The following SLC2A9 variants were observed in gnomAD, a reference collection of about 807,000 sequenced individuals.
The protein encoded by SLC2A9 is solute carrier family 2 member 9, also known as solute carrier family 2, facilitated glucose transporter member 9.
A neutral mutation model predicts 50.6 loss-of-function variants in SLC2A9; 39 were observed. That is an observed-to-expected ratio of 0.77 (90% confidence interval 0.60 to 1.01). The LOEUF is 1.01. SLC2A9 is among the 50% of genes least tolerant of loss of function. The pLI is 0.00. For synonymous variants in SLC2A9, 324 were observed against 276.9 expected (o/e 1.17, Z -1.69); for missense variants, 686 against 677.6 (o/e 1.01, Z -0.14).
intron 3 of SLC2A9, among the ~76,000 whole-genome samples, chr4:9,989,810 C>T (rs1175010501): frequency 6.6e-6 from 1 of 152,022 alleles, no homozygotes; most frequent in African/African-American, 2.4e-5. Context: ...CTACACTGAC[C>T]TCCACTCTCA....
At chr4:9,776,281 TAGA>T (rs1182768450), downstream of SLC2A9, among the ~76,000 whole-genome samples, 3 of 151,854 alleles carry the variant, frequency 2.0e-5, no homozygotes, top group South Asian at 2.1e-4. Flanking sequence ...GAGAGTGGCT[TAGA>T]AGAAGATTGT....
intron 2 of SLC2A9, among the ~76,000 whole-genome samples, chr4:10,018,561 T>C (rs111998247): frequency 0.16 from 7,640 of 48,540 alleles, 496 homozygotes; most frequent in African/African-American, 0.33. Flanking sequence ...GATAGATAGA[T>C]AGATAGATAG....
At chr4:9,998,336 C>A (rs932225750) in intron 2 of SLC2A9, among the ~76,000 whole-genome samples, 1 of 152,042 alleles carries the variant, frequency 6.6e-6, no homozygotes, top group African/African-American at 2.4e-5. Flanking sequence ...AATCCCAGCA[C>A]AACTTGGTAA....
At chr4:9,782,741 G>A (rs2227852) in intron 3 of SLC2A9, 2 of 1,614,004 alleles carry the variant, frequency 1.2e-6, no homozygotes, top group Non-Finnish European at 1.7e-6. Context: ...CTACATCCCC[G>A]TTGCCATCAT....
intron 10 of SLC2A9, among the ~76,000 whole-genome samples, chr4:9,874,931 G>A (rs1734053693): frequency 6.8e-6 from 1 of 146,436 alleles, no homozygotes; most frequent in South Asian, 2.2e-4. Flanking sequence ...CTTTAGAAAT[G>A]GCCATAGGTT....
At chr4:9,845,094 A>G (rs1728738424) in intron 10 of SLC2A9, among the ~76,000 whole-genome samples, 1 of 151,876 alleles carries the variant, frequency 6.6e-6, no homozygotes, top group Admixed American at 6.6e-5. Context: ...GCTCACTGCA[A>G]GCTCCACCTC....
intron 3 of SLC2A9, among the ~76,000 whole-genome samples, chr4:9,988,845 C>T (rs1321194238): frequency 6.6e-6 from 1 of 152,204 alleles, no homozygotes; most frequent in Non-Finnish European, 1.5e-5. Context: ...AGACATTTCG[C>T]CTGGACAAGA....
At chr4:9,897,305 C>A (rs1738732857) in intron 8 of SLC2A9, among the ~76,000 whole-genome samples, 1 of 152,208 alleles carries the variant, frequency 6.6e-6, no homozygotes, top group Non-Finnish European at 1.5e-5. Context: ...TCCAACAGCA[C>A]TGGCACTGGG....
At chr4:9,938,428 C>T (rs998547143) in intron 6 of SLC2A9, among the ~76,000 whole-genome samples, 7 of 152,006 alleles carry the variant, frequency 4.6e-5, no homozygotes, top group African/African-American at 1.4e-4. Context: ...CCTGCCAACA[C>T]GCCCGGCTAA....
chr4:9,772,661 A>C (rs536846745), intron 1 of SLC2A9, among the ~76,000 whole-genome samples: 2 of 152,162 alleles, frequency 1.3e-5, no homozygotes, highest in South Asian at 4.2e-4. Context: ...AGAAATAAAC[A>C]CTTGTTTTAA....
intron 2 of SLC2A9, among the ~76,000 whole-genome samples, chr4:10,017,638 G>C (rs1560496520): frequency 2.0e-5 from 3 of 152,222 alleles, no homozygotes; most frequent in Admixed American, 1.3e-4. Context: ...ACTGACCCAG[G>C]CTTCCCCTAT....
At chr4:9,786,012 G>C (rs1488909022) in intron 3 of SLC2A9, among the ~76,000 whole-genome samples, 1 of 152,198 alleles carries the variant, frequency 6.6e-6, no homozygotes, top group Non-Finnish European at 1.5e-5. Flanking sequence ...GGGAAGGAGA[G>C]TAATTCAGGC....
intron 9 of SLC2A9, among the ~76,000 whole-genome samples, chr4:9,889,801 T>C (rs1003387439): frequency 1.3e-5 from 2 of 152,224 alleles, no homozygotes; most frequent in African/African-American, 4.8e-5. Context: ...TTGGAGGTAC[T>C]GAGGCAGTGT....
downstream of SLC2A9, among the ~76,000 whole-genome samples, chr4:9,778,053 T>TTCC (rs1717807321): frequency 6.9e-3 from 97 of 14,050 alleles, 1 homozygote; most frequent in African/African-American, 0.019. Flanking sequence ...TCTTTCTTTC[T>TTCC]TTCCTTCCTT....
chr4:9,869,885 G>A (rs1166727842), intron 10 of SLC2A9, among the ~76,000 whole-genome samples: 1 of 152,204 alleles, frequency 6.6e-6, no homozygotes, highest in East Asian at 1.9e-4. Flanking sequence ...TCCTCATCCT[G>A]GAGTGTGCAA....
chr4:10,029,409 T>C (rs945218998), intron 1 of SLC2A9: 3 of 152,194 alleles, frequency 2.0e-5, no homozygotes, highest in African/African-American at 7.2e-5. Flanking sequence ...ATGGGATGCT[T>C]TAGGTAGCCT....
chr4:9,865,005 C>A (rs189885655), intron 10 of SLC2A9, among the ~76,000 whole-genome samples: 66 of 152,324 alleles, frequency 4.3e-4, no homozygotes, highest in African/African-American at 1.6e-3. Flanking sequence ...ACTTGAGTAC[C>A]CCACTTTTTG....
At chr4:9,772,901 C>A (rs900183625) in intron 1 of SLC2A9, among the ~76,000 whole-genome samples, 1 of 151,664 alleles carries the variant, frequency 6.6e-6, no homozygotes, top group South Asian at 2.1e-4. Flanking sequence ...TATACATGTG[C>A]CATGCTGGTG....
chr4:10,014,095 C>A (rs1308280304), intron 2 of SLC2A9, among the ~76,000 whole-genome samples: 2 of 152,190 alleles, frequency 1.3e-5, no homozygotes, highest in African/African-American at 2.4e-5. Flanking sequence ...TAAACCCCTG[C>A]CAGGCTTGGG....
Sources: gnomAD v4.1 joint callset for allele counts (sites outside exome capture counted in the v4.1 genomes callset) on GRCh38, gnomAD v4.1.1 for gene constraint, MANE v1.5 for transcripts, NCBI Gene and HGNC (gene_info 2026-07-23, HGNC 2026-07-21) for gene names.